The following RXRA variants were observed in gnomAD, a reference collection of about 807,000 sequenced individuals.
The protein encoded by RXRA is retinoic acid receptor RXR-alpha.
A neutral mutation model predicts 44.5 loss-of-function variants in RXRA; 5 were observed. The observed-to-expected ratio is 0.11, with a 90% CI of 0.06 to 0.24. The LOEUF is 0.24. Among genes scored for constraint, RXRA ranks in the 10% least tolerant of loss-of-function variants. RXRA has a pLI of 1.00. For missense variants in RXRA, 412 were observed against 646.5 expected, an observed-to-expected ratio of 0.64 and a Z score of 3.93; for synonymous variants, 291 against 271.4, an observed-to-expected ratio of 1.07 and a Z score of -0.71.
At chr9:134,388,619 T>C (rs1830755807) in intron 1 of RXRA, among the ~76,000 whole-genome samples, 1 of 152,216 alleles carries the variant, frequency 6.6e-6, no homozygotes, top group African/African-American at 2.4e-5. Context: ...TCAAAGACCC[T>C]GAGCAGGAGC....
intron 9 of RXRA, among the ~76,000 whole-genome samples, chr9:134,435,802 CT>C (rs1341559884): frequency 6.6e-6 from 1 of 152,182 alleles, no homozygotes; most frequent in Admixed American, 6.5e-5. Flanking sequence ...CAGTCTCTTG[CT>C]GTGATGGCTG....
chr9:134,429,770 G>C lies in RXRA; in HGVS notation c.1043+530G>C, dbSNP rs920873208. 4.6e-5 allele frequency among the ~76,000 whole-genome samples: 7 copies of C among 152,312 alleles called. No individual in the cohort carries two copies. The East Asian group carries it at 1.4e-3, about 29-fold the overall frequency. On this transcript the variant is annotated intron_variant, in intron 7 of 9. Transcript: ENST00000481739. ...CTGGAGGAGCAGCACTGGCTGGAGG[G>C]CCCACCCTCGTCCGGGCCTGGGTGG... is the stretch of plus-strand genomic sequence containing the variant.
Position 134,365,412 on chromosome 9 carries a change from T to C in RXRA, c.29-36220T>C, listed in dbSNP as rs531248289. 8.5e-5 allele frequency among the ~76,000 whole-genome samples: 13 copies of C among 152,212 alleles called. No individual in the cohort carries two copies. The South Asian group carries it at 2.7e-3, about 32-fold the overall frequency. On this transcript the variant is annotated intron_variant, in intron 1 of 9. Coordinates refer to ENST00000481739, the MANE Select transcript of RXRA (RefSeq NM_002957.6). This position sits in a 1 kb window ranked among gnomAD's most constrained non-coding sequence, Gnocchi z 4.0. ...CCTGGCCCAGGTGGGATTTGGCGGG[T>C]AACGCTCGTGGTGTGTCCTGGTGTG...
intron 1 of RXRA, among the ~76,000 whole-genome samples, chr9:134,377,739 C>G (rs747237369): frequency 1.3e-5 from 2 of 152,210 alleles, no homozygotes; most frequent in Non-Finnish European, 2.9e-5. Context: ...AGCTGCTGCC[C>G]GATTTCCACC....
chr9:134,421,360 C>T (rs749752624), intron 5 of RXRA, among the ~76,000 whole-genome samples: 1 of 152,138 alleles, frequency 6.6e-6, no homozygotes, highest in Non-Finnish European at 1.5e-5. Context: ...CCCTTGGGCC[C>T]CAGCGTCTGT....
At chr9:134,386,364 G>A (rs1162900585) in intron 1 of RXRA, among the ~76,000 whole-genome samples, 1 of 152,280 alleles carries the variant, frequency 6.6e-6, no homozygotes, top group Non-Finnish European at 1.5e-5. Flanking sequence ...CTGGCCTGGC[G>A]GGCGGGGGAC....
chr9:134,338,463 A>G (rs781814936), intron 1 of RXRA, among the ~76,000 whole-genome samples: 1 of 152,190 alleles, frequency 6.6e-6, no homozygotes, highest in Non-Finnish European at 1.5e-5. Context: ...CTGGGCTGGC[A>G]TCCCCCAGGC....
intron 1 of RXRA, among the ~76,000 whole-genome samples, chr9:134,389,569 G>T (rs990570994): frequency 1.3e-4 from 20 of 152,184 alleles, no homozygotes; most frequent in African/African-American, 4.6e-4. Flanking sequence ...GTAATAGGGA[G>T]CCCTGGGAAG....
At chr9:134,432,352 A>C (rs538959828) in intron 8 of RXRA, among the ~76,000 whole-genome samples, 1 of 152,356 alleles carries the variant, frequency 6.6e-6, no homozygotes, top group East Asian at 1.9e-4. Context: ...GCTGAAGTTC[A>C]GGAGTCCCAA....
rs1831664274 is a variant in RXRA, at chr9:134,438,314, A to T, written c.*1700A>T. ...CCGGGAGGCAGTGGCTTGGAGAGGCAGCTTTCCAGCCTTGGTGGGGAAGAA... is the reference window on the plus strand; with the variant it reads ...CCGGGAGGCAGTGGCTTGGAGAGGCTGCTTTCCAGCCTTGGTGGGGAAGAA... On this transcript the variant is annotated 3_prime_UTR_variant, in exon 10 of 10. Transcript: ENST00000481739. 1 of 152,254 alleles carries T rather than the reference A, an allele frequency of 6.6e-6. No individual in the cohort carries two copies. Among genetic ancestry groups the T allele is most frequent in the East Asian group, 1.9e-4 (1 of 5,194 alleles). The allele number at this position is 152,254 out of a possible 1,614,324, so 9.4% of individuals were successfully genotyped here.
rs1237546434 is a variant in RXRA at position 134,401,875 on chromosome 9, G to T, written c.272G>T (p.Ser91Ile). ...CCCACCCTGGGCTTCAGCACTGGCA[G>T]CCCCCAGGTGAGTGCGGGGCTGGGG... is the stretch of plus-strand genomic sequence containing the variant. ...TTPTLGFSTG[S>I]PQLSSPMNPV... is the part of the protein sequence containing the mutation. The change falls in exon 2 of 10, where the codon AGC becomes ATC. Residue 91 changes from serine (S) to isoleucine (I), a missense_variant. Transcript: ENST00000481739. 6.2e-7 allele frequency: 1 copy of T among 1,606,610 alleles called. No homozygotes were observed. Among genetic ancestry groups the T allele is most frequent in the African/African-American group, 1.3e-5 (1 of 74,772 alleles).
chr9:134,338,268 G>A (rs910280477), intron 1 of RXRA, among the ~76,000 whole-genome samples: 89 of 152,344 alleles, frequency 5.8e-4, no homozygotes, highest in African/African-American at 2.1e-3. Context: ...CCAGGCATTC[G>A]ACCCCTGCTG....
chr9:134,348,529 G>A (rs962889080), intron 1 of RXRA, among the ~76,000 whole-genome samples: 4 of 152,184 alleles, frequency 2.6e-5, no homozygotes, highest in Non-Finnish European at 5.9e-5. Flanking sequence ...GGCCAGTCAC[G>A]GGCAGAATGT....
intron 1 of RXRA, among the ~76,000 whole-genome samples, chr9:134,355,557 T>C (rs944859): frequency 0.34 from 51,857 of 150,486 alleles, 11,829 homozygotes; most frequent in African/African-American, 0.65. Flanking sequence ...AGGCAGTGGC[T>C]CAGAATTACA....
intron 1 of RXRA, among the ~76,000 whole-genome samples, chr9:134,338,175 G>A (rs1434566946): frequency 1.3e-5 from 2 of 152,186 alleles, no homozygotes. Context: ...AGACAAGCAT[G>A]TGGTTCTGCT....
intron 4 of RXRA, among the ~76,000 whole-genome samples, chr9:134,413,123 ACCTTG>A (rs1374958551): frequency 1.3e-5 from 2 of 152,058 alleles, no homozygotes. Context: ...TGGGCAAGTG[ACCTTG>A]CCTCGCCCAG....
intron 1 of RXRA, among the ~76,000 whole-genome samples, chr9:134,371,640 G>A (rs1830492210): frequency 6.6e-6 from 1 of 152,248 alleles, no homozygotes; most frequent in African/African-American, 2.4e-5. Flanking sequence ...CTCTTGGGCC[G>A]GTGCCTCTGG....
At chr9:134,354,809 G>A (rs1554749882) in intron 1 of RXRA, among the ~76,000 whole-genome samples, 1 of 152,262 alleles carries the variant, frequency 6.6e-6, no homozygotes, top group Non-Finnish European at 1.5e-5. Flanking sequence ...TCCCCAGGCT[G>A]CAATTGTCCT....
rs1222631631 is a variant in RXRA, at chr9:134,366,423, C to T, written c.29-35209C>T. 6.6e-6 allele frequency among the ~76,000 whole-genome samples: 1 copy of T among 152,202 alleles called. No homozygotes were observed. Among genetic ancestry groups the T allele is most frequent in the Non-Finnish European group, 1.5e-5 (1 of 68,020 alleles). Reference sequence around the variant, plus strand: ...CTGCAGGGCGGGGCTGCTCCAGTCTCTTACACCAGCGCATCTGCAACTCAT... The same window carrying T: ...CTGCAGGGCGGGGCTGCTCCAGTCTTTTACACCAGCGCATCTGCAACTCAT... On this transcript the variant is annotated intron_variant, in intron 1 of 9. Transcript: ENST00000481739. This position sits in a 1 kb window ranked among gnomAD's most constrained non-coding sequence, Gnocchi z 5.9.
Sources: gnomAD v4.1 joint callset for allele counts (sites outside exome capture counted in the v4.1 genomes callset) on GRCh38, gnomAD v4.1.1 for gene constraint, Gnocchi (gnomAD v3.1) non-coding constraint, MANE v1.5 for transcripts, NCBI Gene and HGNC (gene_info 2026-07-23, HGNC 2026-07-21) for gene names.